SECISBP2: variants seen among roughly 807,000 people sequenced by gnomAD.
The protein encoded by SECISBP2 is SECIS binding protein 2, also known as selenocysteine insertion sequence-binding protein 2.
SECISBP2 carries 96 observed loss-of-function variants against 98.2 expected under a neutral mutation model. The ratio of observed to expected loss-of-function variants is 0.98; its 90% CI spans 0.83 to 1.16. The LOEUF is 1.16. Ranked by LOEUF, SECISBP2 falls within the 50% of genes most tolerant of loss-of-function variation. The pLI is 0.00. For synonymous variants in SECISBP2, 407 were observed against 370.2 expected, an observed-to-expected ratio of 1.10 and a Z score of -1.14; for missense variants, 1,046 against 1,022.9, an observed-to-expected ratio of 1.02 and a Z score of -0.31.
intron 14 of SECISBP2, chr9:89,356,453 T>A (rs1436137466): frequency 6.6e-6 from 1 of 152,364 alleles, no homozygotes; most frequent in East Asian, 1.9e-4. Flanking sequence ...TTTGTTCAGA[T>A]TTTCTGTTGC....
At chr9:89,329,077 A>G in intron 5 of SECISBP2, 191 bp downstream of exon 5, 2 of 599,214 alleles carry the variant, frequency 3.3e-6, no homozygotes, top group Non-Finnish European at 5.9e-6. Flanking sequence ...AGGCTGTAAC[A>G]TCTAGTGCAG....
At chr9:89,337,682 T>C (rs1056342411) in intron 7 of SECISBP2, among the ~76,000 whole-genome samples, 4 of 152,242 alleles carry the variant, frequency 2.6e-5, no homozygotes, top group African/African-American at 9.6e-5. Context: ...GCTGAGACTT[T>C]TACTTCTGAA....
rs41306445 is a variant in SECISBP2, at chr9:89,319,640, A to G, written c.37-12A>G. On this transcript the variant is annotated splice_polypyrimidine_tract_variant and intron_variant, in intron 1 of 16. Coordinates refer to ENST00000375807, the MANE Select transcript of SECISBP2 (RefSeq NM_024077.5). The stretch of plus-strand genomic sequence containing the variant: ...TGAATGTTTGTGGCCAAAACCTCAT[A>G]TTTTTCCTCAGGGCATCAAGTTATC... The G allele has an allele frequency of 0.091, 146,288 of 1,613,280 alleles. 7,624 individuals are homozygous for G. The highest frequency in any genetic ancestry group is 0.25 in the Middle Eastern group (1,521 of 6,056).
chr9:89,360,765 G>A (rs563709379), downstream of SECISBP2: 2 of 152,302 alleles, frequency 1.3e-5, no homozygotes, highest in South Asian at 2.1e-4. Flanking sequence ...TGGGCCAGGG[G>A]CGCCAAGTAC....
rs565573683 is a variant in SECISBP2, at chr9:89,319,814, A to G, written c.182+17A>G. On this transcript the variant is annotated intron_variant, in intron 2 of 16. Coordinates refer to ENST00000375807, the MANE Select transcript of SECISBP2 (RefSeq NM_024077.5). Reference sequence around the variant, plus strand: ...AGTGACAGAGTATGTATCTTTCTAAAAGTCTTACCTAGGGGCTTACATTTT... The same window carrying G: ...AGTGACAGAGTATGTATCTTTCTAAGAGTCTTACCTAGGGGCTTACATTTT... 6 of 1,613,252 alleles carry G rather than the reference A, an allele frequency of 3.7e-6. No individual in the cohort carries two copies. The East Asian group carries it at 1.1e-4, about 30-fold the overall frequency.
chr9:89,318,616 A>G lies in SECISBP2; in HGVS notation c.36+4A>G. 6.9e-7 allele frequency: 1 copy of G among 1,441,358 alleles called. No homozygotes were observed. The highest frequency in any genetic ancestry group is 9.0e-7 in the Non-Finnish European group (1 of 1,106,334). The allele number at this position is 1,441,358 out of a possible 1,614,324, so 89.3% of individuals were successfully genotyped here. On this transcript the variant is annotated splice_donor_region_variant and intron_variant, in intron 1 of 16. Coordinates refer to ENST00000375807, the MANE Select transcript of SECISBP2 (RefSeq NM_024077.5). ...GCCGCGGGAGCCCGAAAGCGAGGTA[A>G]GGGCCGACGGGGGCTCTCTCGGCAG...
intron 7 of SECISBP2, among the ~76,000 whole-genome samples, chr9:89,335,871 C>G (rs1477421151): frequency 1.3e-5 from 2 of 152,080 alleles, no homozygotes; most frequent in Non-Finnish European, 2.9e-5. Flanking sequence ...AGTTTATGCT[C>G]TGGTGTATAA....
chr9:89,349,138 C>T (rs1830882872), intron 12 of SECISBP2, among the ~76,000 whole-genome samples: 1 of 152,206 alleles, frequency 6.6e-6, no homozygotes, highest in African/African-American at 2.4e-5. Context: ...CCACGGGGCA[C>T]TATGTTTTTC....
intron 4 of SECISBP2, among the ~76,000 whole-genome samples, chr9:89,328,355 G>A (rs1315432323): frequency 6.6e-6 from 1 of 152,210 alleles, no homozygotes; most frequent in Non-Finnish European, 1.5e-5. Flanking sequence ...TTATGGGGCT[G>A]TTGTATACGT....
At chr9:89,333,587 T>C (rs1828118444) in intron 6 of SECISBP2, among the ~76,000 whole-genome samples, 1 of 152,162 alleles carries the variant, frequency 6.6e-6, no homozygotes, top group African/African-American at 2.4e-5. Context: ...CCAGGTGTTC[T>C]CGTGAGAGAG....
intron 1 of SECISBP2, 164 bp downstream of exon 1, chr9:89,318,776 C>G: frequency 8.0e-7 from 1 of 1,250,464 alleles, no homozygotes; most frequent in Non-Finnish European, 1.0e-6. Flanking sequence ...CGCCCCGCCT[C>G]GGGTCCGCCT....
the SECISBP2 span, chr9:89,365,264 G>A: frequency 6.6e-6 from 1 of 152,428 alleles, no homozygotes; most frequent in African/African-American, 2.4e-5. Flanking sequence ...TGCTCCTTCT[G>A]TCTCTGAAGC....
intron 10 of SECISBP2, 136 bp downstream of exon 10, chr9:89,341,615 C>A: frequency 9.7e-7 from 1 of 1,028,318 alleles, no homozygotes; most frequent in Non-Finnish European, 1.5e-6. Context: ...TAGATAAGGA[C>A]CTGTGGAATA....
At chr9:89,327,034 C>A (rs1826834796) in intron 4 of SECISBP2, among the ~76,000 whole-genome samples, 2 of 151,972 alleles carry the variant, frequency 1.3e-5, no homozygotes, top group Non-Finnish European at 2.9e-5. Context: ...TGGTGGCGGG[C>A]ACCTGTAGTT....
At position 89,339,968 on chromosome 9, in the gene SECISBP2, G is replaced by A; in HGVS notation, c.1302+15G>A. On this transcript the variant is annotated intron_variant, in intron 9 of 16. Coordinates refer to ENST00000375807, the MANE Select transcript of SECISBP2 (RefSeq NM_024077.5). ...AGCAGCCACAGGTAATTTTTAGATTGAAACCACAAATTGCTTTAGGCTTAA... is the reference window on the plus strand; with the variant it reads ...AGCAGCCACAGGTAATTTTTAGATTAAAACCACAAATTGCTTTAGGCTTAA... 6.4e-7 allele frequency: 1 copy of A among 1,572,516 alleles called. No homozygotes were observed. The highest frequency in any genetic ancestry group is 8.8e-7 in the Non-Finnish European group (1 of 1,142,728).
chr9:89,327,251 G>A (rs1253277739), intron 4 of SECISBP2, among the ~76,000 whole-genome samples: 1 of 152,186 alleles, frequency 6.6e-6, no homozygotes, highest in Non-Finnish European at 1.5e-5. Flanking sequence ...TGCTCTGGGT[G>A]ATTCGATGAC....
the SECISBP2 span, among the ~76,000 whole-genome samples, chr9:89,366,621 A>G: frequency 6.6e-6 from 1 of 152,276 alleles, no homozygotes; most frequent in African/African-American, 2.4e-5. Context: ...ATATAAGTAC[A>G]TATTACATAG....
downstream of SECISBP2, among the ~76,000 whole-genome samples, chr9:89,360,070 G>C (rs979926204): frequency 6.6e-6 from 1 of 152,202 alleles, no homozygotes; most frequent in African/African-American, 2.4e-5. Flanking sequence ...AATGTGACCA[G>C]AGGTTGGTGT....
chr9:89,339,170 G>A (rs1157201568), intron 8 of SECISBP2, among the ~76,000 whole-genome samples: 2 of 152,160 alleles, frequency 1.3e-5, no homozygotes, highest in Non-Finnish European at 2.9e-5. Flanking sequence ...CAAGTGGCCT[G>A]GCTGCTTGTG....
Sources: allele counts gnomAD v4.1 joint callset (sites outside exome capture counted in the v4.1 genomes callset), GRCh38; gene constraint gnomAD v4.1.1; transcripts MANE v1.5; gene names NCBI Gene and HGNC (gene_info 2026-07-23, HGNC 2026-07-21).